Variants in P3H3 observed in about 807,000 individuals in gnomAD.
P3H3 encodes the protein gene rich cluster, B.
P3H3 carries 64 observed loss-of-function variants against 78.1 expected under a neutral mutation model. That is an observed-to-expected ratio of 0.82 (90% CI 0.67 to 1.01). The LOEUF (loss-of-function observed/expected upper bound fraction) is 1.01. Ranked by LOEUF, P3H3 falls within the 50% of genes least tolerant of loss-of-function variation. P3H3 has a pLI of 0.00. For missense variants in P3H3, 975 were observed against 982.2 expected (o/e 0.99, Z 0.10); for synonymous variants, 425 against 416.7 (o/e 1.02, Z -0.24).
At chr12:6,837,340 C>T (rs12302904) in intron 10 of P3H3, 83 bp from the exon 11 acceptor site, 49,213 of 1,514,474 alleles carry the variant, frequency 0.032, 1,583 homozygotes, top group African/African-American at 0.16. Context: ...GGGTGGAGAG[C>T]GGCAGAGTTG....
chr12:6,829,172 G>C lies in P3H3; in HGVS notation c.498+234G>C. 4 of 389,660 alleles carry C rather than the reference G, an allele frequency of 1.0e-5. No homozygotes were observed. The East Asian group carries it at 1.5e-4, about 14-fold the overall frequency. The allele number at this position is 389,660 out of a possible 1,614,324, so 24.1% of individuals were successfully genotyped here. ...AATGGGAATGGGGCGGGGAGGTCGT[G>C]AGGTGGGACGGGAGCAGATCGAAGA... On this transcript the variant is annotated intron_variant, in intron 1 of 14. Coordinates refer to ENST00000290510, the MANE Select transcript of P3H3 (RefSeq NM_014262.5). This position sits in a 1 kb window ranked among gnomAD's most constrained non-coding sequence, Gnocchi z 5.1.
At position 6,837,028 on chromosome 12, in the gene P3H3, G is replaced by A. The variant is rs199565267; in HGVS notation, c.1502G>A (p.Arg501His). The change falls in exon 10 of 15, where the codon CGC (arginine) becomes CAC (histidine). Residue 501 changes from arginine (R) to histidine (H), a missense_variant. Physicochemically the swap from Arg to His is conservative, Grantham distance 29 (BLOSUM62 0). Transcript: ENST00000290510. The part of the protein sequence containing the change: ...AGARSGYRGR[R>H]SPHTPHERFE... The stretch of plus-strand genomic sequence containing the variant: ...GCCAGGTCTGGCTATCGTGGTCGCC[G>A]CTCCCCTCACACCCCCCATGAACGC... 87 of 1,608,902 alleles carry A rather than the reference G, an allele frequency of 5.4e-5. No individual in the cohort carries two copies. In the Middle Eastern group the frequency reaches 6.6e-4, roughly 12 times the overall value.
At position 6,831,498 on chromosome 12, in the gene P3H3, G is replaced by A. The variant is rs1233746455; in HGVS notation, c.1122+146G>A. The A allele has an allele frequency of 3.0e-5, 35 of 1,162,610 alleles. No individual in the cohort carries two copies. The highest frequency in any genetic ancestry group is 4.6e-5 in the African/African-American group (3 of 64,722). 72.0% of individuals were successfully genotyped at this position (1,162,610 alleles called of 1,614,324 possible). A position where few individuals can be genotyped will look rare whatever the true frequency, so the allele number is the denominator to read the frequency against. The stretch of plus-strand genomic sequence containing the variant: ...ACTCCAAGTCCAGCATCTGACTTCC[G>A]TCTCCACTCCCTGCTCCCCACGGCA... On this transcript the variant is annotated intron_variant, in intron 5 of 14. Coordinates refer to ENST00000290510, the MANE Select transcript of P3H3 (RefSeq NM_014262.5). The surrounding 1 kb of genome is among the most constrained non-coding windows in gnomAD (Gnocchi z 4.6).
intron 9 of P3H3, among the ~76,000 whole-genome samples, chr12:6,835,571 C>T (rs1362247857): frequency 3.3e-5 from 5 of 151,676 alleles, no homozygotes; most frequent in Non-Finnish European, 5.9e-5. Flanking sequence ...GCAACAAGAT[C>T]AAAACTCCGC....
chr12:6,830,862 A>G (rs1162307565), intron 4 of P3H3, 92 bp downstream of exon 4: 2 of 1,561,182 alleles, frequency 1.3e-6, no homozygotes, highest in Non-Finnish European at 1.8e-6. Flanking sequence ...CTGTCTCTGG[A>G]TTTGTAGTTT....
chr12:6,833,840 C>A, intron 8 of P3H3, 31 bp downstream of exon 8: 1 of 1,612,286 alleles, frequency 6.2e-7, no homozygotes, highest in South Asian at 1.1e-5. Context: ...AGGCAGGAGC[C>A]TGGAGGGTCT....
At position 6,831,328 on chromosome 12, in the gene P3H3, G is replaced by C; in HGVS notation, c.1098G>C (p.Pro366=). The part of the protein sequence containing the change: ...LNQYQAQLGE[P]RPGLGPREDI... ...AGTACCAGGCCCAGCTGGGAGAGCC[G>C]AGACCTGGCCTCGGACCCAGAGAGG... The change falls in exon 5 of 15, where the codon CCG becomes CCC. Residue 366 remains proline (P), a synonymous_variant. Coordinates refer to ENST00000290510, the MANE Select transcript of P3H3 (RefSeq NM_014262.5). This position sits in a 1 kb window ranked among gnomAD's most constrained non-coding sequence, Gnocchi z 4.6. The C allele has an allele frequency of 6.2e-7, 1 of 1,613,814 alleles. No individual in the cohort carries two copies. Among genetic ancestry groups the C allele is most frequent in the South Asian group, 1.1e-5 (1 of 91,078 alleles).
rs1454757436 is a variant in P3H3, at chr12:6,831,965, A to G, written c.1212+51A>G. 4 of 1,050,416 alleles carry G rather than the reference A, an allele frequency of 3.8e-6. No individual in the cohort carries two copies. The highest frequency in any genetic ancestry group is 5.8e-6 in the Non-Finnish European group (4 of 692,456). The allele number at this position is 1,050,416 out of a possible 1,614,324, so 65.1% of individuals were successfully genotyped here. On this transcript the variant is annotated intron_variant, in intron 6 of 14. Transcript: ENST00000290510. The surrounding 1 kb of genome is among the most constrained non-coding windows in gnomAD (Gnocchi z 4.6). ...TCACCCCTCCGCACTCCCAGGAGGG[A>G]TGGCACTTTGGTTTGCAACAGAGTT...
rs782450656 is a variant in P3H3, at chr12:6,831,842, C to G, written c.1140C>G (p.Ile380Met). ...ACCCTCAGGACATCCAGCGCTTCAT[C>G]CTCCGATCCCTGGGGGAGAAGAGGC... ...LGPREDIQRF[I>M]LRSLGEKRQL... Residue 380 changes from isoleucine to methionine, a missense_variant, in exon 6 of 15, where the codon ATC becomes ATG. Ile to Met is a conservative substitution (Grantham distance 10, BLOSUM62 1). Coordinates refer to ENST00000290510, the MANE Select transcript of P3H3 (RefSeq NM_014262.5). This position sits in a 1 kb window ranked among gnomAD's most constrained non-coding sequence, Gnocchi z 4.6. 6.2e-7 allele frequency: 1 copy of G among 1,606,738 alleles called. No individual in the cohort carries two copies. Among genetic ancestry groups the G allele is most frequent in the Non-Finnish European group, 8.5e-7 (1 of 1,175,332 alleles).
Position 6,837,579 on chromosome 12 carries a change from A to T in P3H3, c.1711+6A>T. 1.2e-6 allele frequency: 2 copies of T among 1,611,344 alleles called. No homozygotes were observed. Among genetic ancestry groups the T allele is most frequent in the Non-Finnish European group, 1.7e-6 (2 of 1,178,922 alleles). On this transcript the variant is annotated splice_donor_region_variant and intron_variant, in intron 11 of 14. Coordinates refer to ENST00000290510, the MANE Select transcript of P3H3 (RefSeq NM_014262.5). ...GTGCCGCAGCGCCATAGAAGGTACG[A>T]CAGGGACCCCCCACTGCTCTTCTCC...
chr12:6,830,651 A>G lies in P3H3; in HGVS notation c.866A>G (p.Gln289Arg), dbSNP rs185376685. 8.7e-6 allele frequency: 14 copies of G among 1,612,084 alleles called. No homozygotes were observed. The African/African-American group carries it at 1.7e-4, about 20-fold the overall frequency. Reference sequence around the variant, plus strand: ...GTTTCCTCTGCAGGACACTGGATTCAGGTCCTGCAGTGCCGGCAACGCTGT... The same window carrying G: ...GTTTCCTCTGCAGGACACTGGATTCGGGTCCTGCAGTGCCGGCAACGCTGT... ...LYEAIAGHWI[Q>R]VLQCRQRCVG... Residue 289 changes from glutamine (Q) to arginine (R), a missense_variant, in exon 4 of 15, where the codon CAG becomes CGG. Coordinates refer to ENST00000290510, the MANE Select transcript of P3H3 (RefSeq NM_014262.5).
At position 6,839,091 on chromosome 12, in the gene P3H3, G is replaced by A. The variant is rs782429134; in HGVS notation, c.1997G>A (p.Arg666His). ...GTGTGGGCCGTGACTCGGGGACGGCGCTGTGCCCTGGCACTGTGGCACACG... is the reference window on the plus strand; with the variant it reads ...GTGTGGGCCGTGACTCGGGGACGGCACTGTGCCCTGGCACTGTGGCACACG... ...HGVWAVTRGR[R>H]CALALWHTWA... The change falls in exon 14 of 15, where the codon CGC (arginine) becomes CAC (histidine). Residue 666 changes from arginine (R) to histidine (H), a missense_variant. Coordinates refer to ENST00000290510, the MANE Select transcript of P3H3 (RefSeq NM_014262.5). The A allele has an allele frequency of 9.9e-6, 16 of 1,610,270 alleles. No individual in the cohort carries two copies. In the South Asian group the frequency reaches 1.1e-4, roughly 11 times the overall value.
At chr12:6,830,259 C>T (rs1555121101) in intron 2 of P3H3, 94 bp from the exon 3 acceptor site, 1 of 1,277,614 alleles carries the variant, frequency 7.8e-7, no homozygotes, top group African/African-American at 1.5e-5. Flanking sequence ...ACATGGAGTC[C>T]TTGCCCCAAA....
At chr12:6,837,163 G>T (rs1943506897) in intron 10 of P3H3, 77 bp downstream of exon 10, 1 of 1,318,622 alleles carries the variant, frequency 7.6e-7, no homozygotes, top group African/African-American at 1.5e-5. Context: ...GGGCCCCAGG[G>T]CCTGGGCTTT....
Position 6,829,486 on chromosome 12 carries a change from C to T in P3H3, c.499-373C>T, listed in dbSNP as rs1943424327. Reference sequence around the variant, plus strand: ...GGAAGCGGGGCGCCGGTTGTACTCACCTCAGCTCAGGGTCCTAGAGACCTG... The same window carrying T: ...GGAAGCGGGGCGCCGGTTGTACTCATCTCAGCTCAGGGTCCTAGAGACCTG... On this transcript the variant is annotated intron_variant, in intron 1 of 14. Transcript: ENST00000290510. The surrounding 1 kb of genome is among the most constrained non-coding windows in gnomAD (Gnocchi z 5.1). The T allele has an allele frequency of 3.6e-6, 1 of 281,464 alleles. No individual in the cohort carries two copies. The highest frequency in any genetic ancestry group is 3.7e-5 in the South Asian group (1 of 27,172). The allele number at this position is 281,464 out of a possible 1,614,324, so 17.4% of individuals were successfully genotyped here.
chr12:6,830,130 G>T, intron 2 of P3H3, 119 bp downstream of exon 2: 1 of 1,330,464 alleles, frequency 7.5e-7, no homozygotes. Flanking sequence ...GATCCTCAGC[G>T]ACCCTGGCTG....
intron 13 of P3H3, 83 bp from the exon 14 acceptor site, chr12:6,838,917 G>A: frequency 8.0e-7 from 1 of 1,255,220 alleles, no homozygotes; most frequent in Non-Finnish European, 1.1e-6. Flanking sequence ...CTGTGCCCCT[G>A]TCCCCATCCT....
At position 6,831,502 on chromosome 12, in the gene P3H3, C is replaced by CCACT; in HGVS notation, c.1122+152_1122+155dup. 8.9e-7 allele frequency: 1 copy of CCACT among 1,128,248 alleles called. No individual in the cohort carries two copies. The highest frequency in any genetic ancestry group is 1.2e-6 in the Non-Finnish European group (1 of 803,244). The allele number at this position is 1,128,248 out of a possible 1,614,324, so 69.9% of individuals were successfully genotyped here. A position where few individuals can be genotyped will look rare whatever the true frequency, so the allele number is the denominator to read the frequency against. On this transcript the variant is annotated intron_variant, in intron 5 of 14. Coordinates refer to ENST00000290510, the MANE Select transcript of P3H3 (RefSeq NM_014262.5). This position sits in a 1 kb window ranked among gnomAD's most constrained non-coding sequence, Gnocchi z 4.6. ...CAAGTCCAGCATCTGACTTCCGTCT[C>CCACT]CACTCCCTGCTCCCCACGGCAGCCT... is the stretch of plus-strand genomic sequence containing the variant.
At position 6,837,001 on chromosome 12, in the gene P3H3, G is replaced by A. The variant is rs782691724; in HGVS notation, c.1475G>A (p.Gly492Glu). 1.2e-6 allele frequency: 2 copies of A among 1,610,994 alleles called. No homozygotes were observed. The highest frequency in any genetic ancestry group is 1.7e-6 in the Non-Finnish European group (2 of 1,179,462). Reference protein sequence around the residue: ...LQLAKDAAGAGARSGYRGRRS... With the variant: ...LQLAKDAAGAEARSGYRGRRS... ...CCTATTTAGGATGCAGCTGGGGCTG[G>A]AGCCAGGTCTGGCTATCGTGGTCGC... is the stretch of plus-strand genomic sequence containing the variant. The change falls in exon 10 of 15, where the codon GGA (glycine) becomes GAA (glutamate). Residue 492 changes from glycine to glutamate, a missense_variant. By Grantham distance (98) the Gly-to-Glu change is moderately conservative. Transcript: ENST00000290510.
Sources: gnomAD v4.1 joint callset for allele counts (sites outside exome capture counted in the v4.1 genomes callset) on GRCh38, gnomAD v4.1.1 for gene constraint, Gnocchi (gnomAD v3.1) non-coding constraint, MANE v1.5 for transcripts, NCBI Gene and HGNC (gene_info 2026-07-23, HGNC 2026-07-21) for gene names.